The following PTCD3 variants were observed in gnomAD, a reference collection of about 807,000 sequenced individuals.
PTCD3 encodes the protein pentatricopeptide repeat domain 3.
PTCD3 carries 89 observed loss-of-function variants against 101.9 expected under a neutral mutation model. That is an observed-to-expected ratio of 0.87 (90% CI 0.74 to 1.04). The LOEUF is 1.04. PTCD3 is among the 50% of genes least tolerant of loss of function. PTCD3 has a pLI of 0.00. For missense variants in PTCD3, 870 were observed against 828.2 expected (o/e 1.05, Z -0.62); for synonymous variants, 296 against 278.5 (o/e 1.06, Z -0.63).
chr2:86,108,303 G>T, intron 1 of PTCD3, 47 bp from the exon 2 acceptor site: 1 of 1,580,896 alleles, frequency 6.3e-7, no homozygotes, highest in Non-Finnish European at 8.6e-7. Flanking sequence ...GGTGAGCTGG[G>T]TACTTCATTA....
intron 14 of PTCD3, 32 bp downstream of exon 14, chr2:86,128,023 A>G (rs373971270): frequency 7.3e-5 from 111 of 1,518,530 alleles, no homozygotes; most frequent in Middle Eastern, 5.1e-4. Flanking sequence ...GTTAATTTAT[A>G]TAGAAAATTG....
intron 14 of PTCD3, among the ~76,000 whole-genome samples, chr2:86,129,351 A>G (rs1674455130): frequency 6.6e-6 from 1 of 152,212 alleles, no homozygotes; most frequent in African/African-American, 2.4e-5. Context: ...TCTTATGTAT[A>G]TAAATTTGCC....
At chr2:86,121,426 T>C in intron 7 of PTCD3, 53 bp from the exon 8 acceptor site, 1 of 1,155,300 alleles carries the variant, frequency 8.7e-7, no homozygotes. Flanking sequence ...CCTAACAGGC[T>C]TTAGTTCTTC....
intron 19 of PTCD3, 124 bp from the exon 20 acceptor site, chr2:86,134,168 T>C: frequency 2.9e-6 from 2 of 679,920 alleles, no homozygotes; most frequent in South Asian, 3.9e-5. Context: ...TCTGGAATCC[T>C]GGGATAAGCC....
intron 1 of PTCD3, 66 bp downstream of exon 1, chr2:86,106,417 T>C (rs1272948316): frequency 1.3e-6 from 2 of 1,515,056 alleles, no homozygotes; most frequent in Admixed American, 1.9e-5. Flanking sequence ...GTTTCCCAGC[T>C]GGCTGTGGAA....
chr2:86,114,420 T>C (rs949924396), intron 4 of PTCD3, among the ~76,000 whole-genome samples: 3 of 152,152 alleles, frequency 2.0e-5, no homozygotes, highest in African/African-American at 7.2e-5. Context: ...CCTGAGTAGC[T>C]GGGACTACAG....
chr2:86,119,151 C>T (rs917475668), intron 7 of PTCD3, 107 bp downstream of exon 7: 132 of 1,407,426 alleles, frequency 9.4e-5, no homozygotes, highest in Non-Finnish European at 1.1e-4. Flanking sequence ...GCTGTACTTA[C>T]TCTGCTTTGA....
At chr2:86,106,997 G>A in intron 1 of PTCD3, 1 of 382,660 alleles carries the variant, frequency 2.6e-6, no homozygotes, top group South Asian at 2.0e-5. Flanking sequence ...CACTTAATTG[G>A]ATGATAATAG....
intron 10 of PTCD3, 77 bp from the exon 11 acceptor site, chr2:86,125,377 TA>T: frequency 6.9e-7 from 1 of 1,444,328 alleles, no homozygotes; most frequent in Middle Eastern, 1.7e-4. Context: ...TGAGCTATAT[TA>T]CCAAACTCTA....
Position 86,127,386 on chromosome 2 carries a change from A to C in PTCD3, c.1096+81A>C. On this transcript the variant is annotated intron_variant, in intron 13 of 23. Transcript: ENST00000254630. ...CAGGGCTACATAAGCAAAGAGCTTT[A>C]AATTATTCTTGTGCTTACATAATAT... is the stretch of plus-strand genomic sequence containing the variant. 2.1e-6 allele frequency: 3 copies of C among 1,438,672 alleles called. No homozygotes were observed. The South Asian group carries it at 4.1e-5, about 20-fold the overall frequency. 89.1% of individuals were successfully genotyped at this position (1,438,672 alleles called of 1,614,324 possible).
At chr2:86,118,581 T>C (rs1674221072) in intron 6 of PTCD3, among the ~76,000 whole-genome samples, 1 of 152,234 alleles carries the variant, frequency 6.6e-6, no homozygotes, top group African/African-American at 2.4e-5. Flanking sequence ...AGGTAGAGAA[T>C]GCCTTTCGTC....
At chr2:86,132,550 T>G in intron 17 of PTCD3, 126 bp downstream of exon 17, 1 of 609,988 alleles carries the variant, frequency 1.6e-6, no homozygotes, top group Non-Finnish European at 2.9e-6. Flanking sequence ...TAGGACATGT[T>G]AATTGAGCAC....
intron 3 of PTCD3, among the ~76,000 whole-genome samples, chr2:86,109,819 T>C (rs1048801817): frequency 3.9e-5 from 6 of 152,260 alleles, no homozygotes; most frequent in Non-Finnish European, 8.8e-5. Context: ...AATAACTTTT[T>C]ACATTGAAAG....
intron 19 of PTCD3, 72 bp from the exon 20 acceptor site, chr2:86,134,220 A>T: frequency 8.8e-7 from 1 of 1,133,106 alleles, no homozygotes; most frequent in Non-Finnish European, 1.3e-6. Context: ...ACCAAAAAAT[A>T]GGTTGACAGT....
chr2:86,121,836 C>T (rs1674289201), intron 8 of PTCD3, among the ~76,000 whole-genome samples: 1 of 152,158 alleles, frequency 6.6e-6, no homozygotes, highest in African/African-American at 2.4e-5. Flanking sequence ...TAAGGCAAAG[C>T]GTTGATCAGA....
chr2:86,106,362 C>CT lies in PTCD3; in HGVS notation c.104+13dup. 1.9e-6 allele frequency: 3 copies of CT among 1,612,032 alleles called. No homozygotes were observed. Among genetic ancestry groups the CT allele is most frequent in the Non-Finnish European group, 2.5e-6 (3 of 1,178,830 alleles). On this transcript the variant is annotated intron_variant, in intron 1 of 23. Transcript: ENST00000254630. ...GGCACGCAGCTGCAGGTAAGAGACG[C>CT]TTAGGGTATCCGCGAAGAAGACCGC...
intron 16 of PTCD3, among the ~76,000 whole-genome samples, chr2:86,131,840 A>AACC (rs1477673771): frequency 1.3e-5 from 2 of 152,230 alleles, no homozygotes; most frequent in Non-Finnish European, 2.9e-5. Flanking sequence ...CAATAGCAAA[A>AACC]ACCACAATTA....
At position 86,137,640 on chromosome 2, in the gene PTCD3, A is replaced by G; in HGVS notation, c.*81A>G. The G allele has an allele frequency of 3.2e-6, 5 of 1,573,326 alleles. No homozygotes were observed. Among genetic ancestry groups the G allele is most frequent in the Non-Finnish European group, 4.3e-6 (5 of 1,158,896 alleles). On this transcript the variant is annotated 3_prime_UTR_variant, in exon 24 of 24. Coordinates refer to ENST00000254630, the MANE Select transcript of PTCD3 (RefSeq NM_017952.6). ...GAGAACTGAGATATACCAATATTTAACATTGTTACAAAGAAGAAAAGATAC... is the reference window on the plus strand; with the variant it reads ...GAGAACTGAGATATACCAATATTTAGCATTGTTACAAAGAAGAAAAGATAC...
At chr2:86,122,916 G>A (rs1674317331) in intron 8 of PTCD3, among the ~76,000 whole-genome samples, 1 of 152,028 alleles carries the variant, frequency 6.6e-6, no homozygotes, top group African/African-American at 2.4e-5. Context: ...ATTGCTCTAC[G>A]TCAGCCTCAT....
Sources: allele counts gnomAD v4.1 joint callset (sites outside exome capture counted in the v4.1 genomes callset), GRCh38; gene constraint gnomAD v4.1.1; transcripts MANE v1.5; gene names NCBI Gene and HGNC (gene_info 2026-07-23, HGNC 2026-07-21).